Variants in MAPKAP1 observed in about 807,000 individuals in gnomAD.
MAPKAP1 encodes target of rapamycin complex 2 subunit MAPKAP1.
Under a neutral mutation model 65.7 loss-of-function variants are expected in MAPKAP1, and 20 were observed. The ratio of observed to expected loss-of-function variants is 0.30; its 90% CI spans 0.21 to 0.44. The LOEUF is 0.44. Among genes scored for constraint, MAPKAP1 ranks in the 20% least tolerant of loss-of-function variants. The probability of loss-of-function intolerance (pLI) is 1.00; values close to 1 mark genes in which losing one functional copy is unlikely to be tolerated. For missense variants in MAPKAP1, 423 were observed against 648.0 expected, an observed-to-expected ratio of 0.65 and a Z score of 3.77; for synonymous variants, 222 against 244.3, an observed-to-expected ratio of 0.91 and a Z score of 0.85.
intron 4 of MAPKAP1, among the ~76,000 whole-genome samples, chr9:125,630,395 C>A (rs967904129): frequency 6.6e-6 from 1 of 152,088 alleles, no homozygotes; most frequent in South Asian, 2.1e-4. Flanking sequence ...GCCGCCCAAA[C>A]TTCTGGGATT....
chr9:125,676,067 T>A (rs1834634996), intron 1 of MAPKAP1, among the ~76,000 whole-genome samples: 1 of 152,184 alleles, frequency 6.6e-6, no homozygotes, highest in Admixed American at 6.5e-5. Flanking sequence ...CAAATTGTAC[T>A]CTCTGATCAG....
intron 5 of MAPKAP1, among the ~76,000 whole-genome samples, chr9:125,582,376 G>A (rs1427990356): frequency 1.3e-5 from 2 of 152,110 alleles, no homozygotes; most frequent in Admixed American, 1.3e-4. Context: ...ATTATTGTCT[G>A]TGTTTCTTGG....
chr9:125,552,561 T>G (rs1830614396), intron 6 of MAPKAP1, among the ~76,000 whole-genome samples: 2 of 152,184 alleles, frequency 1.3e-5, no homozygotes, highest in African/African-American at 4.8e-5. Context: ...CACATATTAA[T>G]TATATAATAA....
intron 6 of MAPKAP1, among the ~76,000 whole-genome samples, chr9:125,557,687 C>T (rs996431981): frequency 7.2e-5 from 11 of 152,092 alleles, no homozygotes; most frequent in Non-Finnish European, 1.3e-4. Context: ...ATTCTGTGAT[C>T]GGCTTCCACT....
At chr9:125,588,248 C>T (rs1195027294) in intron 4 of MAPKAP1, among the ~76,000 whole-genome samples, 2 of 152,158 alleles carry the variant, frequency 1.3e-5, no homozygotes, top group African/African-American at 4.8e-5. Flanking sequence ...AGTACTGATA[C>T]ACACAGCATG....
intron 3 of MAPKAP1, among the ~76,000 whole-genome samples, chr9:125,658,778 G>A (rs559063288): frequency 1.1e-4 from 17 of 152,252 alleles, no homozygotes; most frequent in South Asian, 8.3e-4. Flanking sequence ...TCAAGGTGGC[G>A]GTAGCTAGAT....
chr9:125,503,785 G>A (rs974121089), intron 8 of MAPKAP1, among the ~76,000 whole-genome samples: 1 of 148,888 alleles, frequency 6.7e-6, no homozygotes, highest in South Asian at 2.1e-4. Context: ...GGCACGATCT[G>A]AGCTCACTGC....
intron 1 of MAPKAP1, among the ~76,000 whole-genome samples, chr9:125,681,487 C>G (rs538726989): frequency 6.6e-6 from 1 of 152,314 alleles, no homozygotes; most frequent in African/African-American, 2.4e-5. Flanking sequence ...CTTCTTCTAT[C>G]AAATGTCTCC....
chr9:125,505,458 T>G (rs983936072), intron 8 of MAPKAP1, among the ~76,000 whole-genome samples: 1 of 151,360 alleles, frequency 6.6e-6, no homozygotes, highest in Non-Finnish European at 1.5e-5. Flanking sequence ...GCCTGGCCAA[T>G]GCAGCAAGAC....
At chr9:125,627,822 T>C (rs1303145754) in intron 4 of MAPKAP1, among the ~76,000 whole-genome samples, 1 of 152,072 alleles carries the variant, frequency 6.6e-6, no homozygotes, top group Non-Finnish European at 1.5e-5. Flanking sequence ...CAGGTAAGAA[T>C]TCCCACTGTT....
At chr9:125,648,801 C>A (rs575367598) in intron 4 of MAPKAP1, among the ~76,000 whole-genome samples, 8 of 152,028 alleles carry the variant, frequency 5.3e-5, no homozygotes, top group Non-Finnish European at 1.2e-4. Flanking sequence ...ATTAGCTGGG[C>A]GTGGTGGCAC....
chr9:125,534,156 A>C (rs1366845111), intron 7 of MAPKAP1, among the ~76,000 whole-genome samples: 2 of 152,028 alleles, frequency 1.3e-5, no homozygotes, highest in African/African-American at 4.8e-5. Context: ...TGAATATGTA[A>C]GTGATTTTAA....
At chr9:125,559,128 G>A (rs918380473) in intron 6 of MAPKAP1, 1 of 152,148 alleles carries the variant, frequency 6.6e-6, no homozygotes, top group Admixed American at 6.5e-5. Context: ...ATATTCCAGT[G>A]GATTTTATTT....
chr9:125,470,253 T>C lies in MAPKAP1; in HGVS notation c.1208-2144A>G, dbSNP rs542676669. ...AAGATGATAGTGACATGAATTAAAG[T>C]GATAGAACAATAGTGGAATATAAAC... On this transcript the variant is annotated intron_variant, in intron 9 of 11. Transcript: ENST00000265960. Among the ~76,000 whole-genome samples, 9 of 152,344 alleles carry C rather than the reference T, an allele frequency of 5.9e-5. No individual in the cohort carries two copies. The South Asian group carries it at 1.9e-3, about 32-fold the overall frequency.
At chr9:125,696,431 A>C (rs577046669) in intron 1 of MAPKAP1, 30 of 151,926 alleles carry the variant, frequency 2.0e-4, no homozygotes, top group African/African-American at 4.1e-4. Flanking sequence ...ACAAAAAAAA[A>C]ACAAAAAACA....
Position 125,689,436 on chromosome 9 carries a change from G to GAAA in MAPKAP1, c.-69-16796_-69-16794dup, listed in dbSNP as rs911746619. Among the ~76,000 whole-genome samples the GAAA allele has an allele frequency of 2.9e-3, 45 of 15,266 alleles. 4 individuals are homozygous for GAAA. The highest frequency in any genetic ancestry group is 8.5e-3 in the African/African-American group (40 of 4,702). The allele number at this position is 15,266 out of a possible 152,430, so 10.0% of individuals were successfully genotyped here. A position where few individuals can be genotyped will look rare whatever the true frequency, so the allele number is the denominator to read the frequency against. On this transcript the variant is annotated intron_variant, in intron 1 of 11. Transcript: ENST00000265960. Reference sequence around the variant, plus strand: ...GGCGACAGAGTGAGACTCCATCTCGGAAAAAAAAAAAAAAAAAAAAAAAAA... The same window carrying GAAA: ...GGCGACAGAGTGAGACTCCATCTCGGAAAAAAAAAAAAAAAAAAAAAAAAAAAA...
At chr9:125,533,601 T>C (rs512925) in intron 7 of MAPKAP1, among the ~76,000 whole-genome samples, 136,481 of 152,168 alleles carry the variant, frequency 0.9, 62,087 homozygotes, top group East Asian at 1. Context: ...CAGGCACCTG[T>C]CACCTAATTT....
chr9:125,506,174 A>C, intron 8 of MAPKAP1, 136 bp downstream of exon 8: 1 of 738,092 alleles, frequency 1.4e-6, no homozygotes, highest in East Asian at 2.7e-5. Context: ...TTTGGCACGA[A>C]GACTGCAGTC....
At chr9:125,696,734 CCA>C (rs934609733) in intron 1 of MAPKAP1, among the ~76,000 whole-genome samples, 6 of 152,148 alleles carry the variant, frequency 3.9e-5, no homozygotes, top group Non-Finnish European at 5.9e-5. Flanking sequence ...TGTTTTACTT[CCA>C]CAGTCTTCCT....
Sources: gnomAD v4.1 joint callset for allele counts (sites outside exome capture counted in the v4.1 genomes callset) on GRCh38, gnomAD v4.1.1 for gene constraint, MANE v1.5 for transcripts, NCBI Gene and HGNC (gene_info 2026-07-23, HGNC 2026-07-21) for gene names.